Variants in TNFSF13B observed in about 807,000 individuals in gnomAD.
TNFSF13B encodes the protein TNF superfamily member 13b.
A neutral mutation model predicts 29.1 loss-of-function variants in TNFSF13B; 8 were observed. The ratio of observed to expected loss-of-function variants is 0.27; its 90% confidence interval spans 0.16 to 0.50. The LOEUF (loss-of-function observed/expected upper bound fraction) is 0.50, where lower values mean the gene tolerates loss of function less well. Among genes scored for constraint, TNFSF13B ranks in the 20% least tolerant of loss-of-function variants. The pLI, the probability that TNFSF13B is intolerant of heterozygous loss-of-function variation, is 0.98. For missense variants in TNFSF13B, 248 were observed against 334.9 expected (o/e 0.74, Z 2.03); for synonymous variants, 125 against 130.8 (o/e 0.96, Z 0.30).
intron 5 of TNFSF13B, among the ~76,000 whole-genome samples, chr13:108,304,924 T>G (rs1881727314): frequency 6.6e-6 from 1 of 152,164 alleles, no homozygotes; most frequent in Admixed American, 6.5e-5. Context: ...AGTTTGGAGT[T>G]GCAAAATATT....
intron 3 of TNFSF13B, among the ~76,000 whole-genome samples, chr13:108,301,663 CG>C (rs1881628204): frequency 6.6e-6 from 1 of 151,996 alleles, no homozygotes; most frequent in Non-Finnish European, 1.5e-5. Context: ...GGTGAAAAGA[CG>C]TTGGTCAAAG....
intron 3 of TNFSF13B, among the ~76,000 whole-genome samples, chr13:108,290,185 T>A (rs1007590914): frequency 6.6e-6 from 1 of 152,120 alleles, no homozygotes; most frequent in African/African-American, 2.4e-5. Context: ...TACTTAACAA[T>A]GTATATTGCA....
At chr13:108,275,102 G>A (rs999637160) in intron 2 of TNFSF13B, among the ~76,000 whole-genome samples, 3 of 152,036 alleles carry the variant, frequency 2.0e-5, no homozygotes, top group African/African-American at 7.2e-5. Context: ...GGAAATCCAG[G>A]ATTAAAAAAT....
intron 5 of TNFSF13B, 29 bp from the exon 6 acceptor site, chr13:108,306,797 T>C: frequency 1.5e-6 from 2 of 1,307,764 alleles, no homozygotes; most frequent in Non-Finnish European, 2.2e-6. Context: ...TATAACCACT[T>C]ATAGTTCTTG....
In TNFSF13B at chr13:108,273,338, G is replaced by A. The variant is rs572129395; in HGVS notation, c.424+2914G>A. 8.2e-4 allele frequency among the ~76,000 whole-genome samples: 124 copies of A among 152,030 alleles called. No individual in the cohort carries two copies. In the Middle Eastern group the frequency reaches 0.01, roughly 13 times the overall value. On this transcript the variant is annotated intron_variant, in intron 2 of 5. Transcript: ENST00000375887. ...ATCTTTGAAATGTTGAAAATATTAA[G>A]ATTAATTAGCCATGTCATGAATGTA...
chr13:108,296,573 G>A lies in TNFSF13B; in HGVS notation c.482-6680G>A, dbSNP rs1881463757. Among the ~76,000 whole-genome samples the A allele has an allele frequency of 1.4e-5, 2 of 145,472 alleles. 1 individual carries two copies. The highest frequency in any genetic ancestry group is 4.3e-4 in the South Asian group (2 of 4,688). ...TAAAAAAATTATTTTACCAATCTCT[G>A]TATTTTAATTGCCAAATTTAAATTT... On this transcript the variant is annotated intron_variant, in intron 3 of 5. Coordinates refer to ENST00000375887, the MANE Select transcript of TNFSF13B (RefSeq NM_006573.5).
In TNFSF13B at chr13:108,278,572, C is replaced by T. The variant is rs1028642588; in HGVS notation, c.424+8148C>T. Among the ~76,000 whole-genome samples the T allele has an allele frequency of 3.4e-4, 46 of 135,598 alleles. 1 individual carries two copies. Among genetic ancestry groups the T allele is most frequent in the Non-Finnish European group, 5.7e-4 (33 of 58,254 alleles). 89.0% of individuals were successfully genotyped at this position (135,598 alleles called of 152,430 possible). A position where few individuals can be genotyped will look rare whatever the true frequency, so the allele number is the denominator to read the frequency against. On this transcript the variant is annotated intron_variant, in intron 2 of 5. Coordinates refer to ENST00000375887, the MANE Select transcript of TNFSF13B (RefSeq NM_006573.5). ...GCAAATGCAAGCTTTCTTCCTACCC[C>T]CTCCTCTCCTCCTCCTCCCCTTCTC... is the stretch of plus-strand genomic sequence containing the variant.
At chr13:108,302,742 TTG>T in intron 3 of TNFSF13B, 2 of 832,292 alleles carry the variant, frequency 2.4e-6, no homozygotes, top group Non-Finnish European at 2.9e-6. Flanking sequence ...TTAGTAAAGG[TTG>T]TGTCTTAGTC....
intron 2 of TNFSF13B, 59 bp downstream of exon 2, chr13:108,270,483 G>C (rs1348042084): frequency 6.6e-7 from 1 of 1,510,906 alleles, no homozygotes; most frequent in Non-Finnish European, 9.2e-7. Context: ...CATCCAGTCT[G>C]GGGGAGCTGG....
chr13:108,275,811 A>C (rs1026490350), intron 2 of TNFSF13B, among the ~76,000 whole-genome samples: 2 of 152,346 alleles, frequency 1.3e-5, no homozygotes, highest in Admixed American at 6.5e-5. Context: ...TATTAGCTAA[A>C]TTCTAGACTT....
intron 3 of TNFSF13B, among the ~76,000 whole-genome samples, chr13:108,299,776 ATG>A (rs1009776978): frequency 2.0e-5 from 3 of 151,730 alleles, no homozygotes; most frequent in Non-Finnish European, 2.9e-5. Context: ...GGATGTGCGT[ATG>A]TGTGTGTGTG....
intron 3 of TNFSF13B, among the ~76,000 whole-genome samples, chr13:108,298,959 G>A (rs866421988): frequency 1.4e-5 from 2 of 145,548 alleles, no homozygotes; most frequent in Non-Finnish European, 1.5e-5. Flanking sequence ...GACAGAGCAA[G>A]ACTTGGGAAA....
intron 2 of TNFSF13B, among the ~76,000 whole-genome samples, chr13:108,284,604 A>G (rs1485752692): frequency 6.6e-6 from 1 of 152,154 alleles, no homozygotes; most frequent in African/African-American, 2.4e-5. Flanking sequence ...GTATAGCGCA[A>G]AGTGCTTCCC....
At chr13:108,281,221 A>G (rs752386737) in intron 2 of TNFSF13B, among the ~76,000 whole-genome samples, 1 of 152,190 alleles carries the variant, frequency 6.6e-6, no homozygotes, top group Non-Finnish European at 1.5e-5. Flanking sequence ...AGCCTGGGCA[A>G]TAAGAGTAGA....
chr13:108,303,232 A>G, intron 3 of TNFSF13B, 21 bp from the exon 4 acceptor site: 1 of 1,548,594 alleles, frequency 6.5e-7, no homozygotes, highest in Non-Finnish European at 8.8e-7. Flanking sequence ...CTTTCCTTAT[A>G]AATGATTCTC....
intron 3 of TNFSF13B, among the ~76,000 whole-genome samples, chr13:108,294,427 GC>G (rs143060999): frequency 0.054 from 8,276 of 152,048 alleles, 415 homozygotes; most frequent in East Asian, 0.2. Flanking sequence ...AGATCTTCCT[GC>G]CTCAGCCTCC....
intron 3 of TNFSF13B, among the ~76,000 whole-genome samples, chr13:108,290,082 G>A (rs1290972871): frequency 6.6e-6 from 1 of 152,046 alleles, no homozygotes; most frequent in Non-Finnish European, 1.5e-5. Flanking sequence ...AAATGCAAAT[G>A]TAGCTCTGCT....
chr13:108,271,055 C>G (rs1880600283), intron 2 of TNFSF13B, among the ~76,000 whole-genome samples: 1 of 151,864 alleles, frequency 6.6e-6, no homozygotes, highest in Non-Finnish European at 1.5e-5. Context: ...TTCTTATAAT[C>G]GTCCTTTACT....
intron 2 of TNFSF13B, among the ~76,000 whole-genome samples, chr13:108,285,122 T>C (rs1881086047): frequency 6.6e-6 from 1 of 152,176 alleles, no homozygotes; most frequent in South Asian, 2.1e-4. Flanking sequence ...TATCAAAATA[T>C]CTGAAAATTG....
Sources: allele counts gnomAD v4.1 joint callset (sites outside exome capture counted in the v4.1 genomes callset), GRCh38; gene constraint gnomAD v4.1.1; transcripts MANE v1.5; gene names NCBI Gene and HGNC (gene_info 2026-07-23, HGNC 2026-07-21).